The following ENTREP2 variants were observed in gnomAD, a reference collection of about 807,000 sequenced individuals.
ENTREP2 encodes endosomal transmembrane epsin interactor 2, also known as protein ENTREP2.
the ENTREP2 span, among the ~76,000 whole-genome samples, chr15:29,160,810 A>T: frequency 6.6e-6 from 1 of 151,798 alleles, no homozygotes; most frequent in Non-Finnish European, 1.5e-5. Flanking sequence ...TAGTTCATTC[A>T]GTAGTTTTTT....
chr15:29,233,321 T>TAA, the ENTREP2 span, among the ~76,000 whole-genome samples: 1 of 152,218 alleles, frequency 6.6e-6, no homozygotes, highest in Non-Finnish European at 1.5e-5. Context: ...TACAGAATAT[T>TAA]ACTGTGTTTA....
chr15:29,198,739 C>A, the ENTREP2 span, among the ~76,000 whole-genome samples: 1 of 152,210 alleles, frequency 6.6e-6, no homozygotes, highest in Non-Finnish European at 1.5e-5. Context: ...ACTTGCTGCA[C>A]CAAAAGCTCA....
chr15:29,177,417 T>C, the ENTREP2 span, among the ~76,000 whole-genome samples: 319 of 152,364 alleles, frequency 2.1e-3, 2 homozygotes, highest in African/African-American at 7.5e-3. Flanking sequence ...TGGTGGTTGT[T>C]TTCTTGCTTT....
chr15:29,621,288 C>A, the ENTREP2 span, among the ~76,000 whole-genome samples: 2 of 151,840 alleles, frequency 1.3e-5, no homozygotes, highest in Non-Finnish European at 2.9e-5. Flanking sequence ...CTATGGGAGG[C>A]CGAGACAGGT....
At chr15:29,232,052 G>A in the ENTREP2 span, among the ~76,000 whole-genome samples, 1 of 151,874 alleles carries the variant, frequency 6.6e-6, no homozygotes, top group African/African-American at 2.4e-5. Flanking sequence ...ACCACGTCTG[G>A]CTAATTTTTG....
chr15:29,459,781 G>A, the ENTREP2 span, among the ~76,000 whole-genome samples: 3 of 152,154 alleles, frequency 2.0e-5, no homozygotes. Context: ...CCAACCTTTG[G>A]GAGGTGACTC....
the ENTREP2 span, among the ~76,000 whole-genome samples, chr15:29,421,292 A>G: frequency 2.0e-5 from 3 of 152,230 alleles, no homozygotes; most frequent in Non-Finnish European, 4.4e-5. Flanking sequence ...ATAGGTATAA[A>G]TCCAAATACT....
chr15:29,450,910 A>G, the ENTREP2 span, among the ~76,000 whole-genome samples: 1 of 152,150 alleles, frequency 6.6e-6, no homozygotes, highest in Non-Finnish European at 1.5e-5. Flanking sequence ...ATGAGTACAC[A>G]TGGACAGAAA....
the ENTREP2 span, among the ~76,000 whole-genome samples, chr15:29,206,793 T>C: frequency 6.6e-6 from 1 of 152,224 alleles, no homozygotes; most frequent in Non-Finnish European, 1.5e-5. Flanking sequence ...AATTGTATGA[T>C]ACGTGAATTA....
At chr15:29,479,263 C>T in the ENTREP2 span, among the ~76,000 whole-genome samples, 1 of 151,818 alleles carries the variant, frequency 6.6e-6, no homozygotes, top group Non-Finnish European at 1.5e-5. Flanking sequence ...CTCCTGCTCT[C>T]CCCATGGTAT....
At chr15:29,635,476 C>T in the ENTREP2 span, among the ~76,000 whole-genome samples, 3 of 152,104 alleles carry the variant, frequency 2.0e-5, no homozygotes, top group African/African-American at 7.2e-5. Context: ...CACTGTAGGG[C>T]GGGATGTGCA....
the ENTREP2 span, among the ~76,000 whole-genome samples, chr15:29,486,294 G>A: frequency 3.3e-5 from 5 of 152,176 alleles, no homozygotes; most frequent in East Asian, 9.7e-4. Flanking sequence ...AAATAAGCAA[G>A]CCAGAGAATG....
At chr15:29,323,096 T>G in the ENTREP2 span, among the ~76,000 whole-genome samples, 1 of 152,204 alleles carries the variant, frequency 6.6e-6, no homozygotes, top group East Asian at 1.9e-4. Context: ...TATTTGGTCT[T>G]GACCTCTTTT....
chr15:29,575,087 A>C, the ENTREP2 span, among the ~76,000 whole-genome samples: 1 of 152,172 alleles, frequency 6.6e-6, no homozygotes, highest in Non-Finnish European at 1.5e-5. Context: ...AGAAAGATGA[A>C]TTTGAGTTCA....
the ENTREP2 span, among the ~76,000 whole-genome samples, chr15:29,389,425 C>G: frequency 6.6e-6 from 1 of 152,152 alleles, no homozygotes; most frequent in Non-Finnish European, 1.5e-5. Flanking sequence ...CCACACCCCT[C>G]CCCAATCCTG....
At chr15:29,203,199 G>A in the ENTREP2 span, among the ~76,000 whole-genome samples, 4 of 152,186 alleles carry the variant, frequency 2.6e-5, no homozygotes, top group Non-Finnish European at 5.9e-5. Context: ...ACAGGAGATC[G>A]AGACCATCCT....
the ENTREP2 span, among the ~76,000 whole-genome samples, chr15:29,171,552 A>T: frequency 1.3e-5 from 2 of 151,250 alleles, no homozygotes; most frequent in Non-Finnish European, 3.0e-5. Context: ...CAAGTAAGGT[A>T]TTTTTTTTTA....
the ENTREP2 span, among the ~76,000 whole-genome samples, chr15:29,533,706 G>T: frequency 6.6e-6 from 1 of 151,904 alleles, no homozygotes; most frequent in African/African-American, 2.4e-5. Context: ...TCCTCACCTT[G>T]GAATTTCCCC....
the ENTREP2 span, among the ~76,000 whole-genome samples, chr15:29,371,496 T>C: frequency 2.0e-5 from 3 of 151,440 alleles, no homozygotes; most frequent in Non-Finnish European, 2.9e-5. Flanking sequence ...GGGAAAAAAA[T>C]AGCATAAATA....
Sources: allele counts gnomAD v4.1 joint callset (sites outside exome capture counted in the v4.1 genomes callset), GRCh38; gene constraint gnomAD v4.1.1; transcripts MANE v1.5; gene names NCBI Gene and HGNC (gene_info 2026-07-23, HGNC 2026-07-21).